The following NLGN1 variants were observed in gnomAD, a reference collection of about 807,000 sequenced individuals.
NLGN1 encodes the protein neuroligin 1.
A neutral mutation model predicts 65.5 loss-of-function variants in NLGN1; 12 were observed. That is an observed-to-expected ratio of 0.18 (90% CI 0.12 to 0.30). The LOEUF is 0.30. Ranked by LOEUF, NLGN1 falls within the 10% of genes least tolerant of loss-of-function variation. The pLI is 1.00. For synonymous variants in NLGN1, 350 were observed against 359.5 expected (o/e 0.97, Z 0.30); for missense variants, 750 against 1,007.1 (o/e 0.74, Z 3.46).
intron 4 of NLGN1, among the ~76,000 whole-genome samples, chr3:173,817,807 AG>A (rs1719338031): frequency 1.3e-5 from 2 of 152,314 alleles, no homozygotes; most frequent in African/African-American, 4.8e-5. Flanking sequence ...TGTCCTAAAA[AG>A]GATATCTTAT....
chr3:173,888,242 A>G (rs1342284092), intron 4 of NLGN1, among the ~76,000 whole-genome samples: 2 of 151,974 alleles, frequency 1.3e-5, no homozygotes, highest in Admixed American at 6.6e-5. Flanking sequence ...TCTGTGGGGA[A>G]TGGGTTCCAG....
At chr3:173,953,708 C>T (rs184781024) in intron 4 of NLGN1, among the ~76,000 whole-genome samples, 1 of 152,018 alleles carries the variant, frequency 6.6e-6, no homozygotes, top group Non-Finnish European at 1.5e-5. Context: ...GCATGCACCA[C>T]GTCTGGCTAA....
chr3:174,281,124 G>C (rs1185014713), exon 7 of NLGN1: 1 of 1,613,340 alleles, frequency 6.2e-7, no homozygotes. Context: ...TTACACACTA[G>C]CTATGAGGAG....
At chr3:173,835,089 AT>A (rs1379924755) in intron 4 of NLGN1, among the ~76,000 whole-genome samples, 2 of 152,164 alleles carry the variant, frequency 1.3e-5, no homozygotes, top group African/African-American at 4.8e-5. Flanking sequence ...TTTTATAACA[AT>A]TTGTAGAGTT....
At chr3:173,919,356 G>A (rs1741463094) in intron 4 of NLGN1, among the ~76,000 whole-genome samples, 3 of 152,098 alleles carry the variant, frequency 2.0e-5, no homozygotes, top group African/African-American at 7.2e-5. Flanking sequence ...TACTTTACAA[G>A]CATATTTCAA....
chr3:173,825,110 A>G (rs1400404497), intron 4 of NLGN1, among the ~76,000 whole-genome samples: 1 of 152,122 alleles, frequency 6.6e-6, no homozygotes, highest in African/African-American at 2.4e-5. Flanking sequence ...AAGTGACAAA[A>G]ATGAAATTAA....
chr3:173,517,993 G>T (rs1432780691), intron 2 of NLGN1, among the ~76,000 whole-genome samples: 1 of 152,070 alleles, frequency 6.6e-6, no homozygotes, highest in Non-Finnish European at 1.5e-5. Context: ...CCATCCTTTT[G>T]TACACATGAG....
chr3:174,274,391 A>AACTT lies in NLGN1; in HGVS notation c.647-923_647-920dup, dbSNP rs1219508283. Among the ~76,000 whole-genome samples, 17 of 151,998 alleles carry AACTT rather than the reference A, an allele frequency of 1.1e-4. 1 individual carries two copies. The East Asian group carries it at 3.3e-3, about 30-fold the overall frequency. ...TAATATGTTTGACTCTCCCTTCTAC[A>AACTT]ACTTTCATATGTAAAACAGTTACTC... On this transcript the variant is annotated intron_variant, in intron 4 of 6. Transcript: ENST00000457714.
chr3:173,969,368 G>C (rs1159231396), intron 4 of NLGN1, among the ~76,000 whole-genome samples: 4 of 151,926 alleles, frequency 2.6e-5, no homozygotes, highest in Non-Finnish European at 5.9e-5. Flanking sequence ...TTTCTACAAA[G>C]GGTATTAAAG....
intron 1 of NLGN1, among the ~76,000 whole-genome samples, chr3:173,412,924 C>A (rs774629534): frequency 6.6e-6 from 1 of 152,128 alleles, no homozygotes; most frequent in Non-Finnish European, 1.5e-5. Context: ...TTTCTTAGGT[C>A]GCTTTCCACG....
chr3:173,956,044 C>G (rs949478056), intron 4 of NLGN1, among the ~76,000 whole-genome samples: 4 of 152,068 alleles, frequency 2.6e-5, no homozygotes, highest in African/African-American at 9.6e-5. Flanking sequence ...AAATACAAAA[C>G]TTTATACAAT....
intron 2 of NLGN1, among the ~76,000 whole-genome samples, chr3:173,500,299 A>G (rs1730843969): frequency 6.6e-6 from 1 of 152,148 alleles, no homozygotes; most frequent in South Asian, 2.1e-4. Flanking sequence ...TTCTGCATCT[A>G]TTGAGGTAAT....
At chr3:173,923,450 C>CT (rs1742432919) in intron 4 of NLGN1, among the ~76,000 whole-genome samples, 1 of 152,050 alleles carries the variant, frequency 6.6e-6, no homozygotes. Flanking sequence ...CACTGTATTC[C>CT]TTTTCTTCTT....
At chr3:173,813,530 T>C (rs1003212925) in intron 4 of NLGN1, among the ~76,000 whole-genome samples, 16 of 152,270 alleles carry the variant, frequency 1.1e-4, no homozygotes, top group Admixed American at 7.2e-4. Context: ...TTGGTATTAA[T>C]TGAAGGAAAG....
chr3:173,884,918 C>T (rs1047720214), intron 4 of NLGN1, among the ~76,000 whole-genome samples: 2 of 152,100 alleles, frequency 1.3e-5, no homozygotes, highest in Admixed American at 6.6e-5. Flanking sequence ...CCAAATGCTG[C>T]GTCCTCACAT....
intron 3 of NLGN1, among the ~76,000 whole-genome samples, chr3:173,619,434 G>A (rs561116893): frequency 5.9e-5 from 9 of 152,070 alleles, no homozygotes; most frequent in Non-Finnish European, 1.0e-4. Context: ...GCTGGACCCC[G>A]AAGATAAAAA....
intron 4 of NLGN1, among the ~76,000 whole-genome samples, chr3:173,849,802 C>T (rs980089903): frequency 7.9e-5 from 12 of 152,014 alleles, no homozygotes; most frequent in African/African-American, 2.2e-4. Context: ...GTTCCTCCTG[C>T]GATGCAATTC....
At chr3:174,291,519 AAG>A (rs1310991229), downstream of NLGN1, among the ~76,000 whole-genome samples, 1 of 151,258 alleles carries the variant, frequency 6.6e-6, no homozygotes. Flanking sequence ...TCTTAAAATG[AAG>A]ACTCTTTTGT....
chr3:173,782,610 C>T (rs1032592534), intron 3 of NLGN1, among the ~76,000 whole-genome samples: 2 of 151,926 alleles, frequency 1.3e-5, no homozygotes, highest in African/African-American at 4.8e-5. Context: ...TCTATTCACT[C>T]CATGCCTCGG....
Sources: allele counts gnomAD v4.1 joint callset (sites outside exome capture counted in the v4.1 genomes callset), GRCh38; gene constraint gnomAD v4.1.1; transcripts MANE v1.5; gene names NCBI Gene and HGNC (gene_info 2026-07-23, HGNC 2026-07-21).